The following CCN4 variants were observed in gnomAD, a reference collection of about 807,000 sequenced individuals.
CCN4 encodes CCN family member 4.
A neutral mutation model predicts 36.7 loss-of-function variants in CCN4; 30 were observed. The ratio of observed to expected loss-of-function variants is 0.82; its 90% CI spans 0.61 to 1.11. The LOEUF (loss-of-function observed/expected upper bound fraction) is 1.11, where lower values mean the gene tolerates loss of function less well. Ranked by LOEUF, CCN4 falls within the 50% of genes least tolerant of loss-of-function variation. The pLI is 0.00. For synonymous variants in CCN4, 191 were observed against 195.4 expected, an observed-to-expected ratio of 0.98 and a Z score of 0.19; for missense variants, 505 against 504.9, an observed-to-expected ratio of 1.00 and a Z score of 0.00.
chr8:133,197,589 G>T (rs933339969), intron 1 of CCN4, among the ~76,000 whole-genome samples: 1 of 152,204 alleles, frequency 6.6e-6, no homozygotes. Flanking sequence ...ATGAAAGAAG[G>T]AAGAGAGACA....
At chr8:133,197,103 G>C (rs1853419267) in intron 1 of CCN4, among the ~76,000 whole-genome samples, 1 of 152,104 alleles carries the variant, frequency 6.6e-6, no homozygotes, top group South Asian at 2.1e-4. Flanking sequence ...GGTGGTGGTG[G>C]TGGTGGTGGT....
chr8:133,227,511 G>C lies in CCN4; in HGVS notation c.905G>C (p.Gly302Ala). The C allele has an allele frequency of 1.9e-6, 3 of 1,614,204 alleles. No homozygotes were observed. The highest frequency in any genetic ancestry group is 2.5e-6 in the Non-Finnish European group (3 of 1,180,018). ...STRSYQPKYCGVCMDNRCCIP... is the reference protein window; with the variant it reads ...STRSYQPKYCAVCMDNRCCIP... ...CGCTCCTATCAACCCAAGTACTGTGGAGTTTGCATGGACAATAGGTGCTGC... is the reference window on the plus strand; with the variant it reads ...CGCTCCTATCAACCCAAGTACTGTGCAGTTTGCATGGACAATAGGTGCTGC... Residue 302 changes from glycine to alanine, a missense_variant, in exon 5 of 5, where the codon GGA becomes GCA. Gly to Ala is a moderately conservative substitution (Grantham distance 60). Coordinates refer to ENST00000250160, the MANE Select transcript of CCN4 (RefSeq NM_003882.4).
intron 1 of CCN4, among the ~76,000 whole-genome samples, chr8:133,211,502 G>A (rs73711806): frequency 3.1e-3 from 476 of 152,310 alleles, no homozygotes; most frequent in African/African-American, 0.011. Context: ...GTCATCCTGG[G>A]AGTGTCCATC....
chr8:133,197,227 A>C, intron 1 of CCN4, among the ~76,000 whole-genome samples: 1 of 152,062 alleles, frequency 6.6e-6, no homozygotes, highest in Non-Finnish European at 1.5e-5. Flanking sequence ...AGACCCAACT[A>C]TATGCCCAGC....
chr8:133,195,299 T>G lies in CCN4; in HGVS notation c.69+4086T>G, dbSNP rs538640468. The stretch of plus-strand genomic sequence containing the variant: ...GTGGTGTGTGTGTGTTGAGTGTGTA[T>G]GTGTTGTGTTTGCGTGTGTGGTGTG... On this transcript the variant is annotated intron_variant, in intron 1 of 4. Transcript: ENST00000250160. Among the ~76,000 whole-genome samples, 5 of 151,136 alleles carry G rather than the reference T, an allele frequency of 3.3e-5. No individual in the cohort carries two copies. In the South Asian group the frequency reaches 1.0e-3, roughly 32 times the overall value.
chr8:133,228,945 T>C lies in CCN4; in HGVS notation c.*1235T>C, dbSNP rs1194346686. The C allele has an allele frequency of 6.6e-6, 1 of 152,232 alleles. No homozygotes were observed. The highest frequency in any genetic ancestry group is 1.9e-4 in the East Asian group (1 of 5,202). 9.4% of individuals were successfully genotyped at this position (152,232 alleles called of 1,614,324 possible). A position where few individuals can be genotyped will look rare whatever the true frequency, so the allele number is the denominator to read the frequency against. On this transcript the variant is annotated 3_prime_UTR_variant, in exon 5 of 5. Transcript: ENST00000250160. Reference sequence around the variant, plus strand: ...AATAAAGGTTTAAAGCTGAAGAGGTTGAAGCTAAAAGGAAAAGGTTGTTGT... The same window carrying C: ...AATAAAGGTTTAAAGCTGAAGAGGTCGAAGCTAAAAGGAAAAGGTTGTTGT...
In CCN4 at chr8:133,213,150, G is replaced by A; in HGVS notation, c.349+7G>A. 6.9e-7 allele frequency: 1 copy of A among 1,444,972 alleles called. No homozygotes were observed. Among genetic ancestry groups the A allele is most frequent in the South Asian group, 1.2e-5 (1 of 85,704 alleles). The allele number at this position is 1,444,972 out of a possible 1,614,324, so 89.5% of individuals were successfully genotyped here. ...GCAATAGGAGTGTGTGCACGTAAGT[G>A]AGTCCTCCATACCTTCTGACCAGCC... On this transcript the variant is annotated splice_region_variant and intron_variant, in intron 2 of 4. Transcript: ENST00000250160.
chr8:133,194,879 TTGTG>T (rs973342481), intron 1 of CCN4, among the ~76,000 whole-genome samples: 7 of 128,418 alleles, frequency 5.5e-5, no homozygotes, highest in South Asian at 5.2e-4. Context: ...TGGTGTGTTT[TTGTG>T]TGTGTATGTG....
At chr8:133,219,552 T>C (rs1016484668) in intron 2 of CCN4, among the ~76,000 whole-genome samples, 2 of 152,236 alleles carry the variant, frequency 1.3e-5, no homozygotes, top group Non-Finnish European at 2.9e-5. Context: ...ACAAAATATC[T>C]CACTTTTGTT....
intron 2 of CCN4, among the ~76,000 whole-genome samples, chr8:133,216,564 C>T (rs1382364926): frequency 6.8e-6 from 1 of 146,288 alleles, no homozygotes; most frequent in African/African-American, 2.8e-5. Context: ...ATTTTTAAAA[C>T]CACTCTGTGG....
At chr8:133,219,482 G>T (rs1434360616) in intron 2 of CCN4, among the ~76,000 whole-genome samples, 1 of 152,106 alleles carries the variant, frequency 6.6e-6, no homozygotes, top group Admixed American at 6.5e-5. Flanking sequence ...TCCCAGTTGC[G>T]CTGAGAATAC....
intron 1 of CCN4, among the ~76,000 whole-genome samples, chr8:133,199,460 T>C (rs1453282945): frequency 6.6e-6 from 1 of 152,034 alleles, no homozygotes; most frequent in East Asian, 1.9e-4. Flanking sequence ...ACAGAGACCT[T>C]AGGACTAAGA....
chr8:133,218,275 C>T (rs1854398874), intron 2 of CCN4, among the ~76,000 whole-genome samples: 2 of 152,046 alleles, frequency 1.3e-5, no homozygotes, highest in African/African-American at 4.8e-5. Flanking sequence ...CAGATGATAC[C>T]TGGCACTAGA....
intron 1 of CCN4, among the ~76,000 whole-genome samples, chr8:133,202,338 A>G (rs1264203655): frequency 6.6e-6 from 1 of 152,182 alleles, no homozygotes; most frequent in Non-Finnish European, 1.5e-5. Flanking sequence ...GACCTTTATA[A>G]TGCGGTTGCC....
rs1854122896 is a variant in CCN4, at chr8:133,213,092, T to C, written c.298T>C (p.Tyr100His). 6.2e-7 allele frequency: 1 copy of C among 1,613,896 alleles called. No homozygotes were observed. Among genetic ancestry groups the C allele is most frequent in the African/African-American group, 1.3e-5 (1 of 74,924 alleles). Residue 100 changes from tyrosine (Y) to histidine (H), a missense_variant, in exon 2 of 5, where the codon TAC (tyrosine) becomes CAC (histidine). Tyr to His is a moderately conservative substitution (Grantham distance 83, BLOSUM62 2). Coordinates refer to ENST00000250160, the MANE Select transcript of CCN4 (RefSeq NM_003882.4). ...CATCTGTGACCCCCACCGGGGCCTC[T>C]ACTGTGACTACAGCGGGGACCGCCC... ...AAICDPHRGL[Y>H]CDYSGDRPRY...
chr8:133,221,073 C>T lies in CCN4; in HGVS notation c.610+232C>T, dbSNP rs539287229. The stretch of plus-strand genomic sequence containing the variant: ...TCCTCCCAGCATAAAATGAGGAGTG[C>T]TTTGTAAAGAACAAAGCCCTAAAAG... On this transcript the variant is annotated intron_variant, in intron 3 of 4. Coordinates refer to ENST00000250160, the MANE Select transcript of CCN4 (RefSeq NM_003882.4). Among the ~76,000 whole-genome samples the T allele has an allele frequency of 7.9e-5, 12 of 152,370 alleles. No individual in the cohort carries two copies. The East Asian group carries it at 2.3e-3, about 29-fold the overall frequency.
rs543416486 is a variant in CCN4 at position 133,220,789 on chromosome 8, G to A, written c.558G>A (p.Glu186=). ...PGHCCEQWVC[E]DDAKRPRKTA... The stretch of plus-strand genomic sequence containing the variant: ...ACTGCTGTGAGCAGTGGGTATGTGA[G>A]GACGACGCCAAGAGGCCACGCAAGA... Residue 186 remains glutamate, a synonymous_variant, in exon 3 of 5, where the codon GAG becomes GAA. Coordinates refer to ENST00000250160, the MANE Select transcript of CCN4 (RefSeq NM_003882.4). 23 of 1,611,702 alleles carry A rather than the reference G, an allele frequency of 1.4e-5. No homozygotes were observed. In the Admixed American group the frequency reaches 3.3e-4, roughly 23 times the overall value.
At chr8:133,213,468 A>G (rs957310787) in intron 2 of CCN4, among the ~76,000 whole-genome samples, 1 of 152,100 alleles carries the variant, frequency 6.6e-6, no homozygotes, top group African/African-American at 2.4e-5. Flanking sequence ...TCTTTTAACA[A>G]ATGTCCATGG....
In CCN4 at chr8:133,220,796, G is replaced by A. The variant is rs73711822; in HGVS notation, c.565G>A (p.Ala189Thr). ...CCEQWVCEDD[A>T]KRPRKTAPRD... ...TGAGCAGTGGGTATGTGAGGACGACGCCAAGAGGCCACGCAAGACCGCACC... is the reference window on the plus strand; with the variant it reads ...TGAGCAGTGGGTATGTGAGGACGACACCAAGAGGCCACGCAAGACCGCACC... Residue 189 changes from alanine to threonine, a missense_variant, in exon 3 of 5, where the codon GCC (alanine) becomes ACC (threonine). Coordinates refer to ENST00000250160, the MANE Select transcript of CCN4 (RefSeq NM_003882.4). 1,555 of 1,610,630 alleles carry A rather than the reference G, an allele frequency of 9.7e-4. 16 individuals carry two copies. In the African/African-American group the frequency reaches 0.018, roughly 19 times the overall value.
Sources: allele counts gnomAD v4.1 joint callset (sites outside exome capture counted in the v4.1 genomes callset), GRCh38; gene constraint gnomAD v4.1.1; transcripts MANE v1.5; gene names NCBI Gene and HGNC (gene_info 2026-07-23, HGNC 2026-07-21).